The following SLC12A9 variants were observed in gnomAD, a reference collection of about 807,000 sequenced individuals.
The protein encoded by SLC12A9 is CCC-interacting protein 1.
In SLC12A9, 55 loss-of-function variants were observed where a neutral mutation model predicts 66.0. The ratio of observed to expected loss-of-function variants is 0.83; its 90% CI spans 0.67 to 1.04. SLC12A9 has a LOEUF of 1.04. Ranked by LOEUF, SLC12A9 falls within the 50% of genes least tolerant of loss-of-function variation. The pLI is 0.00. For missense variants in SLC12A9, 1,061 were observed against 1,241.9 expected (o/e 0.85, Z 2.19); for synonymous variants, 577 against 569.0 (o/e 1.01, Z -0.20).
chr7:100,839,452 G>T (rs780808625), intron 1 of SLC12A9, among the ~76,000 whole-genome samples: 1 of 152,160 alleles, frequency 6.6e-6, no homozygotes, highest in African/African-American at 2.4e-5. Flanking sequence ...TCTGCGCCTC[G>T]TCCTGCTACA....
intron 1 of SLC12A9, among the ~76,000 whole-genome samples, chr7:100,830,861 C>A (rs1813530709): frequency 6.6e-6 from 1 of 152,086 alleles, no homozygotes; most frequent in Admixed American, 6.6e-5. Flanking sequence ...TTGGTCTATC[C>A]TGTGTGTGTG....
At chr7:100,843,943 G>A (rs1191430049) in intron 1 of SLC12A9, among the ~76,000 whole-genome samples, 1 of 152,160 alleles carries the variant, frequency 6.6e-6, no homozygotes, top group Non-Finnish European at 1.5e-5. Context: ...AGTAGACTGT[G>A]AGCAGTATGT....
At chr7:100,839,595 G>A (rs1055286063) in intron 1 of SLC12A9, among the ~76,000 whole-genome samples, 42 of 152,368 alleles carry the variant, frequency 2.8e-4, no homozygotes, top group African/African-American at 9.6e-4. Context: ...GATCCTGAGA[G>A]TGCTCCCTGG....
chr7:100,846,442 C>G (rs999691991), intron 1 of SLC12A9, among the ~76,000 whole-genome samples: 1 of 152,084 alleles, frequency 6.6e-6, no homozygotes, highest in Admixed American at 6.6e-5. Context: ...TGGCGGGCGC[C>G]TGTAGTCCCA....
chr7:100,860,124 G>A (rs755171605), intron 8 of SLC12A9, 26 bp from the exon 9 acceptor site: 6 of 1,614,208 alleles, frequency 3.7e-6, no homozygotes, highest in Non-Finnish European at 5.1e-6. Context: ...TGGCTGATGT[G>A]TCTGCTGTGG....
upstream of SLC12A9, among the ~76,000 whole-genome samples, chr7:100,848,513 A>G (rs182530659): frequency 6.6e-6 from 1 of 151,128 alleles, no homozygotes; most frequent in African/African-American, 2.4e-5. Flanking sequence ...TAAATAAATA[A>G]ATAAATAAAT....
rs369088025 is a variant in SLC12A9, at chr7:100,861,212, C to T, written c.1293C>T (p.Ala431=). 7.1e-5 allele frequency: 115 copies of T among 1,614,098 alleles called. No individual in the cohort carries two copies. Among genetic ancestry groups the T allele is most frequent in the Non-Finnish European group, 9.4e-5 (111 of 1,180,042 alleles). ...TCTTCTACCTGGTGGCCTATGCTGC[C>T]GTGGACCTGTCCTGCCTGAGCCTGG... The part of the protein sequence containing the change: ...VTVFYLVAYA[A]VDLSCLSLEW... The change falls in exon 10 of 14, where the codon GCC becomes GCT. Residue 431 remains alanine (A), a synonymous_variant. Transcript: ENST00000354161. The surrounding 1 kb of genome is among the most constrained non-coding windows in gnomAD (Gnocchi z 5.3).
Position 100,861,521 on chromosome 7 carries a change from G to A in SLC12A9, c.1473G>A (p.Leu491=), listed in dbSNP as rs1485003277. ...TCCTCATGGGTCTGCTGGCTGCCCT[G>A]CTCACCGCGCGAGGAGGCCCCAGTA... ...SLLLMGLLAA[L]LTARGGPSSW... The change falls in exon 11 of 14, where the codon CTG becomes CTA. Residue 491 remains leucine, a synonymous_variant. Transcript: ENST00000354161. This position sits in a 1 kb window ranked among gnomAD's most constrained non-coding sequence, Gnocchi z 5.3. 5 of 1,613,794 alleles carry A rather than the reference G, an allele frequency of 3.1e-6. No individual in the cohort carries two copies.
At chr7:100,838,141 G>A (rs541372948) in intron 1 of SLC12A9, among the ~76,000 whole-genome samples, 12 of 152,048 alleles carry the variant, frequency 7.9e-5, no homozygotes, top group African/African-American at 1.2e-4. Context: ...GATTACAGGC[G>A]TGAGCCACCG....
At chr7:100,860,100 TC>T (rs776845157) in intron 8 of SLC12A9, 49 bp from the exon 9 acceptor site, 3 of 1,614,142 alleles carry the variant, frequency 1.9e-6, no homozygotes, top group South Asian at 1.1e-5. Context: ...TGTCTCTCCG[TC>T]CCCGCTGAGC....
rs902000667 is a variant in SLC12A9, at chr7:100,838,543, A to G, written n.228+11496A>G. On this transcript the variant is annotated intron_variant and non_coding_transcript_variant, in intron 1 of 1. Coordinates refer to the SLC12A9 transcript ENST00000461016. ...TATTTATTTATTTATTTTGAGACAG[A>G]GTCTCACTCTGTCACCAAGGCTGGT... Among the ~76,000 whole-genome samples the G allele has an allele frequency of 1.1e-4, 17 of 152,108 alleles. No homozygotes were observed. The East Asian group carries it at 2.9e-3, about 26-fold the overall frequency.
At chr7:100,865,367 C>T (rs762923132) in intron 13 of SLC12A9, 2 of 1,536,106 alleles carry the variant, frequency 1.3e-6, no homozygotes, top group South Asian at 1.2e-5. Flanking sequence ...CAGAGTCAAA[C>T]TCGCATCCCC....
chr7:100,854,104 G>A (rs1814236569), intron 1 of SLC12A9, 52 bp from the exon 2 acceptor site: 60 of 1,190,670 alleles, frequency 5.0e-5, no homozygotes, highest in Middle Eastern at 3.0e-4. Context: ...GGTCTTTGGG[G>A]GTGGGCGAGC....
chr7:100,866,574 G>T lies in SLC12A9; in HGVS notation c.2714G>T (p.Gly905Val), dbSNP rs868589908. 6.3e-7 allele frequency: 1 copy of T among 1,588,652 alleles called. No homozygotes were observed. The highest frequency in any genetic ancestry group is 8.6e-7 in the Non-Finnish European group (1 of 1,168,784). The change falls in exon 14 of 14, where the codon GGG becomes GTG. Residue 905 changes from glycine (G) to valine (V), a missense_variant. Physicochemically the swap from Gly to Val is moderately radical, Grantham distance 109. Transcript: ENST00000354161. This position sits in a 1 kb window ranked among gnomAD's most constrained non-coding sequence, Gnocchi z 7.3. Reference protein sequence around the residue: ...RDLGPTLLVHGVTPVTCTDL With the variant: ...RDLGPTLLVHVVTPVTCTDL ...CTGGGCCCCACGCTGCTGGTTCATG[G>T]GGTCACTCCAGTCACCTGCACTGAT... is the stretch of plus-strand genomic sequence containing the variant.
Position 100,860,145 on chromosome 7 carries a change from T to C in SLC12A9, c.1136-5T>C, listed in dbSNP as rs2116622333. 1 of 1,614,242 alleles carries C rather than the reference T, an allele frequency of 6.2e-7. No individual in the cohort carries two copies. The highest frequency in any genetic ancestry group is 8.5e-7 in the Non-Finnish European group (1 of 1,180,034). ...ATGTGTCTGCTGTGGATTCTGTTTT[T>C]CTAGGCGTGATCTTGGCACCGGCCA... On this transcript the variant is annotated splice_region_variant and splice_polypyrimidine_tract_variant and intron_variant, in intron 8 of 13. Transcript: ENST00000354161.
At chr7:100,831,328 A>G (rs1293808827) in intron 1 of SLC12A9, among the ~76,000 whole-genome samples, 2 of 151,982 alleles carry the variant, frequency 1.3e-5, no homozygotes, top group African/African-American at 2.4e-5. Context: ...CTGGGATTAC[A>G]GGCATATGCC....
At chr7:100,840,393 A>G (rs527855706) in intron 1 of SLC12A9, among the ~76,000 whole-genome samples, 5 of 152,328 alleles carry the variant, frequency 3.3e-5, no homozygotes, top group African/African-American at 1.2e-4. Flanking sequence ...ATTAGAAAAA[A>G]GCCTGGACAG....
chr7:100,857,904 G>C (rs1373984548), intron 5 of SLC12A9: 1 of 151,972 alleles, frequency 6.6e-6, no homozygotes, highest in Non-Finnish European at 1.5e-5. Flanking sequence ...CTGGGAGACA[G>C]TGAGGTTCCC....
intron 1 of SLC12A9, among the ~76,000 whole-genome samples, chr7:100,829,091 G>A (rs1413600741): frequency 6.6e-6 from 1 of 151,742 alleles, no homozygotes; most frequent in Non-Finnish European, 1.5e-5. Flanking sequence ...AGGTTCAAGC[G>A]ATTCTCCTGC....
Sources: allele counts gnomAD v4.1 joint callset (sites outside exome capture counted in the v4.1 genomes callset), GRCh38; gene constraint gnomAD v4.1.1; non-coding constraint Gnocchi (gnomAD v3.1); transcripts MANE v1.5; gene names NCBI Gene and HGNC (gene_info 2026-07-23, HGNC 2026-07-21).